Variants in LRIG1 observed in about 807,000 individuals in gnomAD.
LRIG1 encodes the protein leucine rich repeats and immunoglobulin like domains 1, also known as leucine-rich repeats and immunoglobulin-like domains protein 1.
LRIG1 carries 48 observed loss-of-function variants against 99.2 expected under a neutral mutation model. The observed-to-expected ratio is 0.48, with a 90% CI of 0.38 to 0.62. The LOEUF is 0.62. Among genes scored for constraint, LRIG1 ranks in the 20% least tolerant of loss-of-function variants. LRIG1 has a pLI of 0.00. For synonymous variants in LRIG1, 772 were observed against 596.1 expected (o/e 1.29, Z -4.30); for missense variants, 1,646 against 1,434.4 (o/e 1.15, Z -2.38).
rs549095514 is a variant in LRIG1 at position 66,380,242 on chromosome 3, A to C, written c.*21T>G. On this transcript the variant is annotated 3_prime_UTR_variant, in exon 19 of 19. Transcript: ENST00000273261. ...TCTTTCCCGTAGAGATTGGTATGAC[A>C]AGAACTGAGGTAGACAAAACCTAGC... The C allele has an allele frequency of 6.3e-7, 1 of 1,592,204 alleles. No homozygotes were observed. The highest frequency in any genetic ancestry group is 1.1e-5 in the South Asian group (1 of 88,140).
Position 66,389,596 on chromosome 3 carries a change from A to G in LRIG1, c.1469-3295T>C, listed in dbSNP as rs138539975. 5.1e-3 allele frequency among the ~76,000 whole-genome samples: 775 copies of G among 152,314 alleles called. 10 individuals carry two copies. Among genetic ancestry groups the G allele is most frequent in the African/African-American group, 0.018 (729 of 41,584 alleles). ...TACAGAGACAGAATAATATTTTATA[A>G]TGTAAAAGGGTCAATGCATCAGAAA... On this transcript the variant is annotated intron_variant, in intron 12 of 18. Transcript: ENST00000273261.
At chr3:66,406,604 C>T (rs956724732) in intron 8 of LRIG1, among the ~76,000 whole-genome samples, 1 of 152,228 alleles carries the variant, frequency 6.6e-6, no homozygotes, top group African/African-American at 2.4e-5. Flanking sequence ...AACCCGCCAC[C>T]ACTGTCCTCT....
At chr3:66,467,956 C>T (rs1026562455) in intron 1 of LRIG1, among the ~76,000 whole-genome samples, 1 of 152,102 alleles carries the variant, frequency 6.6e-6, no homozygotes, top group Non-Finnish European at 1.5e-5. Flanking sequence ...TAACACAAGT[C>T]CTTTGAGCAC....
At chr3:66,451,874 T>C (rs1703914464) in intron 2 of LRIG1, among the ~76,000 whole-genome samples, 1 of 152,212 alleles carries the variant, frequency 6.6e-6, no homozygotes, top group African/African-American at 2.4e-5. Flanking sequence ...AAGCATCTCC[T>C]GTCTCCCATC....
At chr3:66,474,435 TC>T (rs535803378) in intron 1 of LRIG1, among the ~76,000 whole-genome samples, 166 of 151,434 alleles carry the variant, frequency 1.1e-3, no homozygotes, top group Non-Finnish European at 2.1e-3. Flanking sequence ...AAACCCTGCC[TC>T]CCTGGTTCAA....
chr3:66,386,947 C>G (rs967333359), intron 12 of LRIG1: 1 of 151,704 alleles, frequency 6.6e-6, no homozygotes, highest in Non-Finnish European at 1.5e-5. Context: ...AACCCAGCAG[C>G]CTAGCAACCA....
In LRIG1 at chr3:66,380,240, A is replaced by C; in HGVS notation, c.*23T>G. On this transcript the variant is annotated 3_prime_UTR_variant, in exon 19 of 19. Transcript: ENST00000273261. ...TCTCTTTCCCGTAGAGATTGGTATGACAAGAACTGAGGTAGACAAAACCTA... is the reference window on the plus strand; with the variant it reads ...TCTCTTTCCCGTAGAGATTGGTATGCCAAGAACTGAGGTAGACAAAACCTA... The C allele has an allele frequency of 6.3e-7, 1 of 1,588,116 alleles. No homozygotes were observed. The highest frequency in any genetic ancestry group is 8.6e-7 in the Non-Finnish European group (1 of 1,163,548).
chr3:66,430,288 G>T (rs1269659886), intron 3 of LRIG1, among the ~76,000 whole-genome samples: 1 of 152,130 alleles, frequency 6.6e-6, no homozygotes, highest in East Asian at 1.9e-4. Flanking sequence ...TTTAAAAAAG[G>T]TAGGGAAGCT....
chr3:66,450,159 C>T (rs149542906), intron 3 of LRIG1, among the ~76,000 whole-genome samples: 1 of 152,258 alleles, frequency 6.6e-6, no homozygotes, highest in East Asian at 1.9e-4. Flanking sequence ...AAAGTCAGAC[C>T]TTTACCCATC....
chr3:66,445,361 G>A (rs1423859977), intron 3 of LRIG1, among the ~76,000 whole-genome samples: 1 of 152,018 alleles, frequency 6.6e-6, no homozygotes, highest in African/African-American at 2.4e-5. Flanking sequence ...GCTACGCGGG[G>A]GAAGCCTGTC....
intron 12 of LRIG1, chr3:66,387,803 AT>A (rs1701445935): frequency 6.6e-6 from 1 of 152,160 alleles, no homozygotes; most frequent in South Asian, 2.1e-4. Flanking sequence ...TAAAAAAAAT[AT>A]CGAAGGATAG....
In LRIG1 at chr3:66,484,408, G is replaced by A. The variant is rs776549240; in HGVS notation, c.218+15782C>T. On this transcript the variant is annotated intron_variant, in intron 1 of 18. Coordinates refer to ENST00000273261, the MANE Select transcript of LRIG1 (RefSeq NM_015541.3). ...ACAGACTAATGGGGTAGTCAGAAAC[G>A]AATCAAACATTCACACAAAACTTCT... Among the ~76,000 whole-genome samples the A allele has an allele frequency of 5.3e-5, 8 of 152,178 alleles. No individual in the cohort carries two copies. The South Asian group carries it at 6.2e-4, about 12-fold the overall frequency.
At chr3:66,403,663 G>A (rs1702149237) in intron 9 of LRIG1, among the ~76,000 whole-genome samples, 1 of 152,194 alleles carries the variant, frequency 6.6e-6, no homozygotes, top group African/African-American at 2.4e-5. Flanking sequence ...ATGCAGCACT[G>A]GAAGCCCAGG....
intron 1 of LRIG1, among the ~76,000 whole-genome samples, chr3:66,495,689 T>A (rs1411437126): frequency 1.3e-5 from 2 of 152,226 alleles, no homozygotes; most frequent in African/African-American, 4.8e-5. Flanking sequence ...TATAGGCTAT[T>A]TTAAACAACC....
At chr3:66,408,964 T>TGGGGG (rs1424793540) in intron 7 of LRIG1, among the ~76,000 whole-genome samples, 8 of 17,314 alleles carry the variant, frequency 4.6e-4, no homozygotes, top group South Asian at 2.2e-3. Context: ...GTGTGTGTGG[T>TGGGGG]GGGGGGAGGG....
Position 66,380,850 on chromosome 3 carries a change from G to T in LRIG1, c.2782C>A (p.Arg928=). The T allele has an allele frequency of 6.2e-7, 1 of 1,613,866 alleles. No homozygotes were observed. Among genetic ancestry groups the T allele is most frequent in the Non-Finnish European group, 8.5e-7 (1 of 1,179,802 alleles). The change falls in exon 18 of 19, where the codon CGG becomes AGG. Residue 928 remains arginine, a synonymous_variant. Transcript: ENST00000273261. ...PGPHKMEHGG[R]VVCSDCNTEV... ...GTGTTGCAGTCACTGCATACGACCC[G>T]GCCACCGTGTTCTGAAGGACAGCGC...
intron 3 of LRIG1, among the ~76,000 whole-genome samples, chr3:66,419,128 T>G (rs1288774696): frequency 6.6e-6 from 1 of 152,198 alleles, no homozygotes; most frequent in Non-Finnish European, 1.5e-5. Context: ...GAAAAGGGTC[T>G]GTGCTGGACA....
At chr3:66,449,868 A>C (rs1323061210) in intron 3 of LRIG1, among the ~76,000 whole-genome samples, 1 of 152,238 alleles carries the variant, frequency 6.6e-6, no homozygotes, top group Non-Finnish European at 1.5e-5. Context: ...CTCGTGGACA[A>C]ACGGCCAGGG....
chr3:66,493,430 T>A (rs905207708), intron 1 of LRIG1, among the ~76,000 whole-genome samples: 2 of 152,192 alleles, frequency 1.3e-5, no homozygotes, highest in Non-Finnish European at 2.9e-5. Context: ...CAACTGTTCA[T>A]AGCTTCCTGC....
Sources: allele counts gnomAD v4.1 joint callset (sites outside exome capture counted in the v4.1 genomes callset), GRCh38; gene constraint gnomAD v4.1.1; transcripts MANE v1.5; gene names NCBI Gene and HGNC (gene_info 2026-07-23, HGNC 2026-07-21).